Variants in CC2D2B observed in about 807,000 individuals in gnomAD.
CC2D2B encodes the protein coiled-coil and C2 domain containing 2B.
CC2D2B carries 128 observed loss-of-function variants against 161.2 expected under a neutral mutation model. That is an observed-to-expected ratio of 0.79 (90% CI 0.69 to 0.92). The LOEUF (loss-of-function observed/expected upper bound fraction) is 0.92, where lower values mean the gene tolerates loss of function less well. Among genes scored for constraint, CC2D2B ranks in the 40% least tolerant of loss-of-function variants. The pLI is 0.00. For synonymous variants in CC2D2B, 391 were observed against 449.8 expected (o/e 0.87, Z 1.65); for missense variants, 1,173 against 1,375.1 (o/e 0.85, Z 2.32).
chr10:96,012,498 G>C (rs2079036326), intron 27 of CC2D2B, 34 bp from the exon 28 acceptor site: 1 of 1,447,242 alleles, frequency 6.9e-7, no homozygotes, highest in African/African-American at 1.4e-5. Context: ...GAACAATACA[G>C]TACAATTCTG....
rs58200004 is a variant in CC2D2B at position 96,025,146 on chromosome 10, TA to T, written c.3947+244del. On this transcript the variant is annotated intron_variant, in intron 33 of 34. Coordinates refer to ENST00000646931, the MANE Select transcript of CC2D2B (RefSeq NM_001349008.3). ...CAACATAGGGAGACGTCATCTCTAC[TA>T]AAAAAAAATATATATATATATATAT... 9.8e-4 allele frequency among the ~76,000 whole-genome samples: 29 copies of T among 29,742 alleles called. 1 individual carries two copies. The highest frequency in any genetic ancestry group is 2.6e-3 in the African/African-American group (16 of 6,216). The allele number at this position is 29,742 out of a possible 152,430, so 19.5% of individuals were successfully genotyped here.
intron 12 of CC2D2B, among the ~76,000 whole-genome samples, chr10:95,962,386 A>T (rs2076790539): frequency 6.6e-6 from 1 of 152,180 alleles, no homozygotes; most frequent in African/African-American, 2.4e-5. Flanking sequence ...AGGAAAGAAA[A>T]GACAAGACAT....
At chr10:95,981,355 C>T (rs143783893) in intron 17 of CC2D2B, among the ~76,000 whole-genome samples, 1,848 of 146,680 alleles carry the variant, frequency 0.013, 39 homozygotes, top group African/African-American at 0.042. Flanking sequence ...ATCGCGCCAC[C>T]GCACTCCAGC....
intron 34 of CC2D2B, among the ~76,000 whole-genome samples, chr10:96,028,155 A>G (rs1056320293): frequency 6.6e-6 from 1 of 152,168 alleles, no homozygotes; most frequent in African/African-American, 2.4e-5. Context: ...CAAGTTAAAA[A>G]CCTTCGGCAC....
intron 10 of CC2D2B, chr10:95,952,338 CAAGT>C (rs1254961975): frequency 6.6e-6 from 1 of 152,134 alleles, no homozygotes; most frequent in African/African-American, 2.4e-5. Context: ...AAAAATTGTA[CAAGT>C]AATACCGGAA....
At chr10:95,931,439 G>T (rs2098549910) in intron 6 of CC2D2B, among the ~76,000 whole-genome samples, 1 of 151,980 alleles carries the variant, frequency 6.6e-6, no homozygotes, top group Non-Finnish European at 1.5e-5. Context: ...GAATTTGTTT[G>T]CTCATGCTTC....
rs148012747 is a variant in CC2D2B at position 95,941,005 on chromosome 10, A to G, written c.801+2080A>G. Among the ~76,000 whole-genome samples, 258 of 152,320 alleles carry G rather than the reference A, an allele frequency of 1.7e-3. 3 individuals carry two copies. The highest frequency in any genetic ancestry group is 5.8e-3 in the African/African-American group (240 of 41,572). ...GGCATAAAGACAGATATATGGACCAATGGAACAGAATGAAGAGCCCAGAAA... is the reference window on the plus strand; with the variant it reads ...GGCATAAAGACAGATATATGGACCAGTGGAACAGAATGAAGAGCCCAGAAA... On this transcript the variant is annotated intron_variant, in intron 9 of 34. Coordinates refer to ENST00000646931, the MANE Select transcript of CC2D2B (RefSeq NM_001349008.3).
At chr10:96,019,453 T>G in intron 31 of CC2D2B, 116 bp downstream of exon 31, 1 of 1,092,274 alleles carries the variant, frequency 9.2e-7, no homozygotes, top group Non-Finnish European at 1.3e-6. Flanking sequence ...CCCTAGGGCA[T>G]GGGGCCGGGG....
At chr10:96,027,509 T>C (rs1459945045) in intron 34 of CC2D2B, 120 bp downstream of exon 34, 8 of 657,902 alleles carry the variant, frequency 1.2e-5, no homozygotes, top group Non-Finnish European at 1.7e-5. Context: ...AGATAGATGC[T>C]ATAGCATTAA....
At chr10:95,988,069 G>A (rs974531193) in intron 19 of CC2D2B, among the ~76,000 whole-genome samples, 181 bp from the exon 20 acceptor site, 1 of 152,204 alleles carries the variant, frequency 6.6e-6, no homozygotes, top group African/African-American at 2.4e-5. Context: ...AATATAGTTA[G>A]AAACTGGTTT....
chr10:95,965,881 TTTA>T lies in CC2D2B; in HGVS notation c.1251-8_1251-6del. 1 of 1,064,376 alleles carries T rather than the reference TTTA, an allele frequency of 9.4e-7. No homozygotes were observed. Among genetic ancestry groups the T allele is most frequent in the Non-Finnish European group, 1.2e-6 (1 of 835,634 alleles). The allele number at this position is 1,064,376 out of a possible 1,614,324, so 65.9% of individuals were successfully genotyped here. ...ATTATTTCTGCTTTCAATAATTCTGTTTATTATTAATTAGGATTAAAATGAATA... is the reference window on the plus strand; with the variant it reads ...ATTATTTCTGCTTTCAATAATTCTGTTTATTAATTAGGATTAAAATGAATA... On this transcript the variant is annotated splice_polypyrimidine_tract_variant and intron_variant, in intron 12 of 34. Coordinates refer to ENST00000646931, the MANE Select transcript of CC2D2B (RefSeq NM_001349008.3).
intron 13 of CC2D2B, 58 bp from the exon 14 acceptor site, chr10:95,966,132 T>C (rs2076932074): frequency 1.3e-6 from 1 of 754,454 alleles, no homozygotes; most frequent in Admixed American, 4.3e-5. Flanking sequence ...ATTTTAAGAA[T>C]AAATGTCCTA....
chr10:95,957,895 A>C (rs2076626910), intron 11 of CC2D2B, among the ~76,000 whole-genome samples: 1 of 151,686 alleles, frequency 6.6e-6, no homozygotes, highest in South Asian at 2.1e-4. Context: ...AATAACAAAA[A>C]ACAGAAAGCC....
chr10:95,939,028 C>T (rs2075928049), intron 9 of CC2D2B, 103 bp downstream of exon 9: 1 of 534,280 alleles, frequency 1.9e-6, no homozygotes, highest in Middle Eastern at 4.9e-4. Context: ...GATACTAAGT[C>T]TACTAATATA....
At chr10:95,994,929 C>T (rs1393452589) in intron 22 of CC2D2B, among the ~76,000 whole-genome samples, 2 of 152,166 alleles carry the variant, frequency 1.3e-5, no homozygotes, top group Non-Finnish European at 2.9e-5. Flanking sequence ...CAGTCTCTTG[C>T]CTCGGCACCT....
chr10:95,941,586 G>T (rs1312646415), intron 9 of CC2D2B, among the ~76,000 whole-genome samples: 1 of 152,026 alleles, frequency 6.6e-6, no homozygotes, highest in Non-Finnish European at 1.5e-5. Context: ...TATAAAACAT[G>T]CCTAACATCA....
At chr10:95,993,834 G>GTATA (rs369610013) in intron 22 of CC2D2B, among the ~76,000 whole-genome samples, 2,023 of 109,930 alleles carry the variant, frequency 0.018, 64 homozygotes, top group Admixed American at 0.067. Context: ...TATAAAGAGT[G>GTATA]TATATATATA....
intron 5 of CC2D2B, among the ~76,000 whole-genome samples, chr10:95,926,727 T>C (rs1302177095): frequency 6.6e-6 from 1 of 152,030 alleles, no homozygotes. Context: ...TGAGAGCTTC[T>C]TTGTCAGCGG....
intron 10 of CC2D2B, among the ~76,000 whole-genome samples, chr10:95,952,035 C>T (rs1002930238): frequency 6.6e-6 from 1 of 151,994 alleles, no homozygotes; most frequent in African/African-American, 2.4e-5. Flanking sequence ...GAAGAAAAGG[C>T]CAGGTGGTGC....
Sources: gnomAD v4.1 joint callset for allele counts (sites outside exome capture counted in the v4.1 genomes callset) on GRCh38, gnomAD v4.1.1 for gene constraint, MANE v1.5 for transcripts, NCBI Gene and HGNC (gene_info 2026-07-23, HGNC 2026-07-21) for gene names.